DPY19L2: variants seen among roughly 807,000 people sequenced by gnomAD.
The protein encoded by DPY19L2 is probable C-mannosyltransferase DPY19L2.
DPY19L2 carries 34 observed loss-of-function variants against 97.9 expected under a neutral mutation model. The observed-to-expected ratio is 0.35, with a 90% CI of 0.26 to 0.46. The LOEUF (loss-of-function observed/expected upper bound fraction) is 0.46. Among genes scored for constraint, DPY19L2 ranks in the 20% least tolerant of loss-of-function variants. DPY19L2 has a pLI of 1.00. For synonymous variants in DPY19L2, 230 were observed against 307.9 expected (o/e 0.75, Z 2.65); for missense variants, 623 against 911.4 (o/e 0.68, Z 4.07).
At chr12:63,665,729 T>C in intron 2 of DPY19L2, 106 bp downstream of exon 2, 2 of 928,944 alleles carry the variant, frequency 2.2e-6, no homozygotes, top group Non-Finnish European at 3.2e-6. Context: ...CACATAAAGA[T>C]GTTCTACAAA....
chr12:63,611,763 G>T (rs1303564941), intron 11 of DPY19L2, among the ~76,000 whole-genome samples: 1 of 152,000 alleles, frequency 6.6e-6, no homozygotes, highest in Non-Finnish European at 1.5e-5. Context: ...ATAAACATAG[G>T]CTCCATGAAC....
intron 8 of DPY19L2, chr12:63,623,825 C>A: frequency 2.6e-6 from 1 of 388,480 alleles, no homozygotes; most frequent in Middle Eastern, 8.4e-4. Context: ...CTGCCTCAGC[C>A]TCCCAAGTAG....
At chr12:63,654,777 CAAG>C (rs942412080) in intron 4 of DPY19L2, among the ~76,000 whole-genome samples, 15 of 152,010 alleles carry the variant, frequency 9.9e-5, no homozygotes, top group South Asian at 4.1e-4. Context: ...AAAAATTCAA[CAAG>C]AAGACCCTGC....
chr12:63,594,647 CGTGT>C (rs780002868), intron 15 of DPY19L2, among the ~76,000 whole-genome samples: 2 of 124,280 alleles, frequency 1.6e-5, no homozygotes, highest in Non-Finnish European at 3.3e-5. Flanking sequence ...CGTGTGTGTG[CGTGT>C]CTGTGTGTGT....
intron 4 of DPY19L2, chr12:63,651,811 G>T: frequency 3.2e-6 from 1 of 309,156 alleles, no homozygotes; most frequent in Middle Eastern, 8.2e-4. Context: ...GTCCTTGACC[G>T]CATGAAGAAA....
intron 11 of DPY19L2, among the ~76,000 whole-genome samples, chr12:63,612,437 G>A (rs1887162253): frequency 6.6e-6 from 1 of 151,864 alleles, no homozygotes; most frequent in African/African-American, 2.4e-5. Flanking sequence ...ACATGTTTAA[G>A]TAAAATGTAT....
At chr12:63,585,618 C>T (rs1054701585) in intron 16 of DPY19L2, among the ~76,000 whole-genome samples, 3 of 151,966 alleles carry the variant, frequency 2.0e-5, no homozygotes, top group Admixed American at 6.6e-5. Flanking sequence ...AAGGAAGAAG[C>T]CTGGTAGGTG....
At chr12:63,656,295 T>A (rs1224436856) in intron 4 of DPY19L2, among the ~76,000 whole-genome samples, 1 of 152,172 alleles carries the variant, frequency 6.6e-6, no homozygotes, top group Non-Finnish European at 1.5e-5. Context: ...TGTTCTCAAT[T>A]CAAGACCGTC....
At chr12:63,661,121 T>C in intron 4 of DPY19L2, 1 of 317,888 alleles carries the variant, frequency 3.1e-6, no homozygotes, top group Non-Finnish European at 5.6e-6. Context: ...ACCCTGGCCA[T>C]TATTTACACA....
At position 63,597,887 on chromosome 12, in the gene DPY19L2, T is replaced by A. The variant is rs764811596; in HGVS notation, c.1383A>T (p.Ala461=). The A allele has an allele frequency of 2.5e-6, 4 of 1,600,018 alleles. No individual in the cohort carries two copies. Among genetic ancestry groups the A allele is most frequent in the Middle Eastern group, 1.7e-4 (1 of 5,960 alleles). ...AATCTGTATACCTTAAGATTCTGGC[T>A]GCTATAAGATCACTCAGGCGAATCT... The part of the protein sequence containing the change: ...SDHIRLSDLI[A]ARILRYTDFD... Residue 461 remains alanine, a synonymous_variant, in exon 14 of 22, where the codon GCA becomes GCT. Coordinates refer to ENST00000324472, the MANE Select transcript of DPY19L2 (RefSeq NM_173812.5).
At chr12:63,576,656 C>T (rs543555823) in intron 19 of DPY19L2, among the ~76,000 whole-genome samples, 2 of 151,754 alleles carry the variant, frequency 1.3e-5, no homozygotes, top group Admixed American at 6.6e-5. Context: ...AGAGAACAAC[C>T]TGAGAAAGAA....
At chr12:63,569,855 A>G (rs528707985) in intron 20 of DPY19L2, among the ~76,000 whole-genome samples, 1 of 152,300 alleles carries the variant, frequency 6.6e-6, no homozygotes, top group East Asian at 1.9e-4. Context: ...GGGGATGGTC[A>G]CCAAAATATG....
intron 19 of DPY19L2, among the ~76,000 whole-genome samples, chr12:63,579,090 C>T (rs1880413590): frequency 6.6e-6 from 1 of 152,076 alleles, no homozygotes; most frequent in South Asian, 2.1e-4. Flanking sequence ...GAAATACCCT[C>T]CCACTCCACT....
chr12:63,570,895 T>C, intron 19 of DPY19L2, 38 bp from the exon 20 acceptor site: 1 of 1,584,748 alleles, frequency 6.3e-7, no homozygotes, highest in Non-Finnish European at 8.6e-7. Flanking sequence ...CAATTAAATG[T>C]TTTAAAGAAA....
At chr12:63,625,869 A>C (rs1889444832) in intron 7 of DPY19L2, among the ~76,000 whole-genome samples, 1 of 151,190 alleles carries the variant, frequency 6.6e-6, no homozygotes, top group Non-Finnish European at 1.5e-5. Flanking sequence ...TGTATACTTA[A>C]AAATCTGTTA....
chr12:63,639,236 A>G (rs1892277423), intron 6 of DPY19L2, among the ~76,000 whole-genome samples: 2 of 152,226 alleles, frequency 1.3e-5, no homozygotes, highest in Non-Finnish European at 2.9e-5. Flanking sequence ...TGTTAGACCT[A>G]AAACCATAAA....
At chr12:63,581,927 G>C (rs10878056) in intron 18 of DPY19L2, among the ~76,000 whole-genome samples, 1 of 150,294 alleles carries the variant, frequency 6.7e-6, no homozygotes, top group Admixed American at 6.6e-5. Flanking sequence ...CAGCCTCCCA[G>C]GTAGCTGGAA....
At position 63,668,216 on chromosome 12, in the gene DPY19L2, G is replaced by C; in HGVS notation, c.178C>G (p.Gln60Glu). ...GSWRSSPGRI[Q>E]SLKERKGLEL... The stretch of plus-strand genomic sequence containing the variant: ...AAGCCTTTTCGCTCTTTCAGACTTT[G>C]GATCCTCCCCGGGGAGGACCTCCAG... The change falls in exon 1 of 22, where the codon CAA becomes GAA. Residue 60 changes from glutamine to glutamate, a missense_variant. Transcript: ENST00000324472. 1 of 1,613,858 alleles carries C rather than the reference G, an allele frequency of 6.2e-7. No individual in the cohort carries two copies. Among genetic ancestry groups the C allele is most frequent in the Non-Finnish European group, 8.5e-7 (1 of 1,179,908 alleles).
chr12:63,613,005 G>A (rs184416589), intron 11 of DPY19L2, among the ~76,000 whole-genome samples: 37 of 152,126 alleles, frequency 2.4e-4, no homozygotes, highest in African/African-American at 8.7e-4. Context: ...TAATGAAATG[G>A]AACTTGTAGT....
Sources: gnomAD v4.1 joint callset for allele counts (sites outside exome capture counted in the v4.1 genomes callset) on GRCh38, gnomAD v4.1.1 for gene constraint, MANE v1.5 for transcripts, NCBI Gene and HGNC (gene_info 2026-07-23, HGNC 2026-07-21) for gene names.